Variants in HIPK3 observed in about 807,000 individuals in gnomAD.
HIPK3 encodes homeodomain interacting protein kinase 3.
A neutral mutation model predicts 124.2 loss-of-function variants in HIPK3; 47 were observed. The ratio of observed to expected loss-of-function variants is 0.38; its 90% CI spans 0.30 to 0.48. The LOEUF (loss-of-function observed/expected upper bound fraction) is 0.48, where lower values mean the gene tolerates loss of function less well. HIPK3 is among the 20% of genes least tolerant of loss of function. The pLI, the probability that HIPK3 is intolerant of heterozygous loss-of-function variation, is 0.98. For missense variants in HIPK3, 1,286 were observed against 1,454.3 expected (o/e 0.88, Z 1.88); for synonymous variants, 482 against 515.2 (o/e 0.94, Z 0.87).
rs767248211 is a variant in HIPK3, at chr11:33,286,764, AT to A, written c.353del (p.Phe118SerfsTer2). ...PQIGAWRNRL[H>X]FLEGPQRCGL... Reference sequence around the variant, plus strand: ...ATTGGGGCGTGGCGAAACAGATTGCATTTCCTAGAAGGCCCCCAGCGATGTG... The same window carrying A: ...ATTGGGGCGTGGCGAAACAGATTGCATTCCTAGAAGGCCCCCAGCGATGTG... On this transcript the variant is annotated frameshift_variant, in exon 2 of 17. Coordinates refer to ENST00000303296, the MANE Select transcript of HIPK3 (RefSeq NM_005734.5). LOFTEE classifies it high-confidence loss of function. The A allele has an allele frequency of 6.2e-7, 1 of 1,614,098 alleles. No individual in the cohort carries two copies. The highest frequency in any genetic ancestry group is 1.7e-5 in the Admixed American group (1 of 60,024).
At chr11:33,267,688 G>T (rs1173494022) in intron 1 of HIPK3, among the ~76,000 whole-genome samples, 1 of 150,924 alleles carries the variant, frequency 6.6e-6, no homozygotes, top group Non-Finnish European at 1.5e-5. Context: ...AGTAGAGATG[G>T]GGTTTCACTG....
chr11:33,288,324 G>A (rs1851610356), intron 2 of HIPK3, among the ~76,000 whole-genome samples: 1 of 152,004 alleles, frequency 6.6e-6, no homozygotes, highest in South Asian at 2.1e-4. Flanking sequence ...GTGTGGTGGT[G>A]GGTGTCTATA....
At chr11:33,271,953 G>A (rs1851136078) in intron 1 of HIPK3, among the ~76,000 whole-genome samples, 1 of 152,110 alleles carries the variant, frequency 6.6e-6, no homozygotes, top group Non-Finnish European at 1.5e-5. Flanking sequence ...CACTTTCAGT[G>A]GAAGAAAAAT....
At chr11:33,349,794 T>C (rs1853603611) in intron 14 of HIPK3, among the ~76,000 whole-genome samples, 1 of 152,020 alleles carries the variant, frequency 6.6e-6, no homozygotes, top group Non-Finnish European at 1.5e-5. Context: ...GGAGATGAAG[T>C]GTGGCTCTGT....
At chr11:33,321,314 G>A (rs1204255873) in intron 2 of HIPK3, among the ~76,000 whole-genome samples, 1 of 152,198 alleles carries the variant, frequency 6.6e-6, no homozygotes, top group Non-Finnish European at 1.5e-5. Flanking sequence ...GGTGGAGTTG[G>A]AGGCAGCTTG....
At chr11:33,336,951 G>T (rs1853167642) in intron 3 of HIPK3, 124 bp from the exon 4 acceptor site, 1 of 595,024 alleles carries the variant, frequency 1.7e-6, no homozygotes, top group Admixed American at 3.5e-5. Context: ...CCACTAGACA[G>T]TGCATTTCTT....
At chr11:33,272,931 T>G (rs1851173876) in intron 1 of HIPK3, among the ~76,000 whole-genome samples, 1 of 149,456 alleles carries the variant, frequency 6.7e-6, no homozygotes, top group African/African-American at 2.5e-5. Flanking sequence ...CCAAGCAACC[T>G]CAAACTCCTG....
intron 2 of HIPK3, among the ~76,000 whole-genome samples, chr11:33,324,963 A>G (rs1852768421): frequency 1.3e-5 from 2 of 152,242 alleles, no homozygotes; most frequent in African/African-American, 4.8e-5. Flanking sequence ...TAATGCAATA[A>G]TAGATAGTGA....
chr11:33,282,639 C>T (rs1015690324), intron 1 of HIPK3, among the ~76,000 whole-genome samples: 7 of 151,530 alleles, frequency 4.6e-5, no homozygotes, highest in Non-Finnish European at 7.4e-5. Flanking sequence ...GCTGAAATCA[C>T]GCCACTGCAC....
Position 33,287,064 on chromosome 11 carries a change from GA to G in HIPK3, c.651del (p.Thr219GlnfsTer5), listed in dbSNP as rs1421869738. On this transcript the variant is annotated frameshift_variant, in exon 2 of 17. Transcript: ENST00000303296. LOFTEE classifies it high-confidence loss of function. ...GGCCAGGTAGTTAAATGCTGGAAAA[GA>G]GGGACAAATGAAATTGTAGCAATCA... is the stretch of plus-strand genomic sequence containing the variant. ...TFGQVVKCWK[R>X]GTNEIVAIKI... 3 of 1,614,082 alleles carry G rather than the reference GA, an allele frequency of 1.9e-6. No homozygotes were observed. The highest frequency in any genetic ancestry group is 2.5e-6 in the Non-Finnish European group (3 of 1,180,040).
intron 1 of HIPK3, among the ~76,000 whole-genome samples, chr11:33,273,402 G>A (rs919645167): frequency 6.6e-6 from 1 of 151,066 alleles, no homozygotes; most frequent in East Asian, 2.0e-4. Flanking sequence ...CCAGCTACTC[G>A]GGAGGCTGAG....
intron 3 of HIPK3, among the ~76,000 whole-genome samples, chr11:33,334,059 A>T (rs1349294844): frequency 6.6e-6 from 1 of 152,178 alleles, no homozygotes; most frequent in East Asian, 1.9e-4. Flanking sequence ...ACAGCACTTT[A>T]ACGAAATGAA....
At position 33,348,624 on chromosome 11, in the gene HIPK3, G is replaced by A; in HGVS notation, c.2472G>A (p.Gln824=). The A allele has an allele frequency of 1.2e-6, 2 of 1,614,088 alleles. No individual in the cohort carries two copies. Among genetic ancestry groups the A allele is most frequent in the Non-Finnish European group, 1.7e-6 (2 of 1,179,966 alleles). ...AGGAAGTAAGTTGTATAGAAACACAGGACAATCAGAACTCAGAAGGAGAGG... is the reference window on the plus strand; with the variant it reads ...AGGAAGTAAGTTGTATAGAAACACAAGACAATCAGAACTCAGAAGGAGAGG... The part of the protein sequence containing the change: ...DVEEVSCIET[Q]DNQNSEGEAR... Residue 824 remains glutamine, a synonymous_variant, in exon 13 of 17, where the codon CAG becomes CAA. Coordinates refer to ENST00000303296, the MANE Select transcript of HIPK3 (RefSeq NM_005734.5).
chr11:33,347,567 T>C (rs565313577), intron 9 of HIPK3, 62 bp from the exon 10 acceptor site: 1 of 1,586,896 alleles, frequency 6.3e-7, no homozygotes, highest in African/African-American at 1.4e-5. Flanking sequence ...GAGTTTAAGA[T>C]ATGGTAAAGT....
rs1853798086 is a variant in HIPK3, at chr11:33,355,715, G to T, written c.*2147G>T. ...ATTGATTTTAAAAATTACAGTATTA[G>T]ATCATAAAGTAAAAACCAGCAGTAC... On this transcript the variant is annotated 3_prime_UTR_variant, in exon 17 of 17. Transcript: ENST00000303296. 6.6e-6 allele frequency: 1 copy of T among 151,824 alleles called. No homozygotes were observed. The highest frequency in any genetic ancestry group is 1.5e-5 in the Non-Finnish European group (1 of 67,838). The allele number at this position is 151,824 out of a possible 1,614,324, so 9.4% of individuals were successfully genotyped here. A position where few individuals can be genotyped will look rare whatever the true frequency, so the allele number is the denominator to read the frequency against.
At chr11:33,276,772 C>T (rs1187752847) in intron 1 of HIPK3, among the ~76,000 whole-genome samples, 1 of 152,092 alleles carries the variant, frequency 6.6e-6, no homozygotes, top group Non-Finnish European at 1.5e-5. Context: ...GTGGCATGAT[C>T]TTGGCTCACA....
intron 2 of HIPK3, among the ~76,000 whole-genome samples, chr11:33,300,438 C>G (rs1851967216): frequency 6.6e-6 from 1 of 152,060 alleles, no homozygotes; most frequent in Non-Finnish European, 1.5e-5. Flanking sequence ...GTGAGACCCT[C>G]CACCAGCCAA....
chr11:33,340,736 T>A (rs1853307600), intron 6 of HIPK3, among the ~76,000 whole-genome samples: 1 of 152,202 alleles, frequency 6.6e-6, no homozygotes, highest in African/African-American at 2.4e-5. Flanking sequence ...AAATGCTTAC[T>A]GTGGTTTTAC....
At chr11:33,337,451 G>A (rs954394782) in intron 4 of HIPK3, among the ~76,000 whole-genome samples, 4 of 151,858 alleles carry the variant, frequency 2.6e-5, no homozygotes, top group Non-Finnish European at 5.9e-5. Context: ...CGCCTCCTGG[G>A]TTCAACCAAT....
Sources: allele counts gnomAD v4.1 joint callset (sites outside exome capture counted in the v4.1 genomes callset), GRCh38; gene constraint gnomAD v4.1.1; transcripts MANE v1.5; gene names NCBI Gene and HGNC (gene_info 2026-07-23, HGNC 2026-07-21).